Variants in UNKL observed in about 807,000 individuals in gnomAD.
UNKL encodes putative E3 ubiquitin-protein ligase UNKL.
In UNKL, 60 loss-of-function variants were observed where a neutral mutation model predicts 78.0. The observed-to-expected ratio is 0.77, with a 90% confidence interval of 0.63 to 0.95. The LOEUF is 0.95. UNKL is among the 40% of genes least tolerant of loss of function. UNKL has a pLI of 0.00. For synonymous variants in UNKL, 608 were observed against 474.8 expected (o/e 1.28, Z -3.65); for missense variants, 1,159 against 1,045.7 (o/e 1.11, Z -1.49).
intron 8 of UNKL, among the ~76,000 whole-genome samples, chr16:1,391,304 A>G (rs1039965093): frequency 6.6e-6 from 1 of 151,666 alleles, no homozygotes; most frequent in Non-Finnish European, 1.5e-5. Context: ...CTCAGAATTT[A>G]GACGAATGCT....
rs1218071522 is a variant in UNKL at position 1,369,055 on chromosome 16, G to GTTTTTTT, written c.1585+1068_1585+1074dup. Among the ~76,000 whole-genome samples, 9 of 53,722 alleles carry GTTTTTTT rather than the reference G, an allele frequency of 1.7e-4. 1 individual carries two copies. The highest frequency in any genetic ancestry group is 2.3e-4 in the Non-Finnish European group (7 of 30,988). 35.2% of individuals were successfully genotyped at this position (53,722 alleles called of 152,430 possible). A position where few individuals can be genotyped will look rare whatever the true frequency, so the allele number is the denominator to read the frequency against. ...GCCACTATGTTGGCCCAAAGTATTA[G>GTTTTTTT]TTTTTTTTTTTTTTTTTTTTTTTTT... is the stretch of plus-strand genomic sequence containing the variant. On this transcript the variant is annotated intron_variant, in intron 12 of 14. Coordinates refer to ENST00000389221, the MANE Select transcript of UNKL (RefSeq NM_001372107.1).
At chr16:1,368,258 C>T in intron 12 of UNKL, 1 of 232,002 alleles carries the variant, frequency 4.3e-6, no homozygotes, top group South Asian at 8.2e-5. Flanking sequence ...GTGGTGACTG[C>T]CAATGTCTAT....
At chr16:1,411,558 G>A (rs1440178783) in intron 2 of UNKL, among the ~76,000 whole-genome samples, 1 of 151,816 alleles carries the variant, frequency 6.6e-6, no homozygotes, top group African/African-American at 2.4e-5. Flanking sequence ...CGGGCGCGGT[G>A]GCTCATGCCT....
At chr16:1,380,320 G>C (rs1015013557) in intron 10 of UNKL, among the ~76,000 whole-genome samples, 1 of 152,180 alleles carries the variant, frequency 6.6e-6, no homozygotes, top group Non-Finnish European at 1.5e-5. Flanking sequence ...CACCAGCTTT[G>C]TCCAAAACCC....
intron 2 of UNKL, among the ~76,000 whole-genome samples, chr16:1,405,304 C>G (rs3953047): frequency 3.7e-5 from 5 of 133,358 alleles, no homozygotes; most frequent in African/African-American, 2.0e-4. Context: ...AGGCAGGCAG[C>G]CAGCCAGGCA....
At chr16:1,369,853 T>C (rs2035643629) in intron 12 of UNKL, 3 of 1,227,990 alleles carry the variant, frequency 2.4e-6, no homozygotes, top group Middle Eastern at 2.3e-4. Flanking sequence ...CGCCCGCCTG[T>C]AGTCCCAGCT....
At position 1,401,593 on chromosome 16, in the gene UNKL, G is replaced by T. The variant is rs534889660; in HGVS notation, c.573C>A (p.Ile191=). 1.9e-6 allele frequency: 3 copies of T among 1,603,858 alleles called. No individual in the cohort carries two copies. Among genetic ancestry groups the T allele is most frequent in the Admixed American group, 3.4e-5 (2 of 59,132 alleles). The stretch of plus-strand genomic sequence containing the variant: ...CTTGCCACCGGGGGTCCTCGCTCAG[G>T]ATCTTCTCAATCATGGCCTGGCTGG... ...VLASQAMIEK[I]LSEDPRWQDA... Residue 191 remains isoleucine (I), a synonymous_variant, in exon 4 of 15, where the codon ATC becomes ATA. Transcript: ENST00000389221.
chr16:1,395,920 C>A, intron 6 of UNKL: 1 of 375,938 alleles, frequency 2.7e-6, no homozygotes, highest in South Asian at 1.9e-5. Context: ...TCCTTCCCAG[C>A]CCCTGCACGC....
intron 11 of UNKL, 61 bp from the exon 12 acceptor site, chr16:1,370,418 C>A: frequency 6.6e-7 from 1 of 1,515,012 alleles, no homozygotes. Context: ...AAACATCTGC[C>A]ATGGGCGGCA....
rs919659785 is a variant in UNKL, at chr16:1,363,820, G to C, written c.*2420C>G. 3 of 154,480 alleles carry C rather than the reference G, an allele frequency of 1.9e-5. No individual in the cohort carries two copies. Among genetic ancestry groups the C allele is most frequent in the East Asian group, 1.9e-4 (1 of 5,220 alleles). 9.6% of individuals were successfully genotyped at this position (154,480 alleles called of 1,614,324 possible). A position where few individuals can be genotyped will look rare whatever the true frequency, so the allele number is the denominator to read the frequency against. ...TCTTCCCACTGCTCACCTGTCCTCA[G>C]AGCCAGTACTGATCTAGGGGAGCAG... On this transcript the variant is annotated 3_prime_UTR_variant, in exon 15 of 15. Coordinates refer to ENST00000389221, the MANE Select transcript of UNKL (RefSeq NM_001372107.1).
chr16:1,371,518 C>A lies in UNKL; in HGVS notation c.1357+1G>T. 1 of 1,536,136 alleles carries A rather than the reference C, an allele frequency of 6.5e-7. No individual in the cohort carries two copies. The highest frequency in any genetic ancestry group is 8.7e-7 in the Non-Finnish European group (1 of 1,146,874). ...GGGCCCCAGGTCCTCCCCACCCTCA[C>A]CTGCTGCTCCCAGGTCGTGGCCGTC... On this transcript the variant is annotated splice_donor_variant, in intron 11 of 14. Coordinates refer to ENST00000389221, the MANE Select transcript of UNKL (RefSeq NM_001372107.1). LOFTEE classifies it high-confidence loss of function.
At chr16:1,380,879 TG>T (rs2036581248) in intron 10 of UNKL, among the ~76,000 whole-genome samples, 1 of 152,118 alleles carries the variant, frequency 6.6e-6, no homozygotes, top group South Asian at 2.1e-4. Context: ...TTCACCATGT[TG>T]GTCAGGCTAG....
At position 1,385,238 on chromosome 16, in the gene UNKL, G is replaced by C; in HGVS notation, c.1234C>G (p.Pro412Ala). Residue 412 changes from proline to alanine, a missense_variant, in exon 10 of 15, where the codon CCC becomes GCC. Physicochemically the swap from Pro to Ala is conservative, Grantham distance 27 (BLOSUM62 -1). Transcript: ENST00000389221. ...ACGGCCTCCACAGTGCTGCTGGCGG[G>C]GCCGAGCGGGAGGGCACGGGCGGGG... is the stretch of plus-strand genomic sequence containing the variant. The part of the protein sequence containing the change: ...APPARALPLG[P>A]ASSTVEAVLG... 1 of 1,305,492 alleles carries C rather than the reference G, an allele frequency of 7.7e-7. No homozygotes were observed. The highest frequency in any genetic ancestry group is 9.7e-7 in the Non-Finnish European group (1 of 1,029,338). 80.9% of individuals were successfully genotyped at this position (1,305,492 alleles called of 1,614,324 possible).
chr16:1,398,692 C>CCCCCCCCCCCCCCCCCCCCCCCACCT, intron 5 of UNKL: 1 of 1,198,320 alleles, frequency 8.3e-7, no homozygotes, highest in South Asian at 2.1e-5. Flanking sequence ...CCCCCCCACC[C>CCCCCCCCCCCCCCCCCCCCCCCACCT]CCCTCTCAGG....
rs1008986508 is a variant in UNKL at position 1,364,352 on chromosome 16, G to T, written c.*1888C>A. ...AATACATTCTAATTTGGTCACTGAT[G>T]ATAAAGATTTTTACCTAGACGTTTT... On this transcript the variant is annotated 3_prime_UTR_variant, in exon 15 of 15. Coordinates refer to ENST00000389221, the MANE Select transcript of UNKL (RefSeq NM_001372107.1). The T allele has an allele frequency of 6.6e-6, 1 of 152,208 alleles. No homozygotes were observed. The highest frequency in any genetic ancestry group is 2.4e-5 in the African/African-American group (1 of 41,456). The allele number at this position is 152,208 out of a possible 1,614,324, so 9.4% of individuals were successfully genotyped here.
Position 1,367,744 on chromosome 16 carries a change from C to A in UNKL, c.1700G>T (p.Gly567Val). 1 of 1,577,140 alleles carries A rather than the reference C, an allele frequency of 6.3e-7. No homozygotes were observed. The highest frequency in any genetic ancestry group is 1.2e-5 in the South Asian group (1 of 85,644). The change falls in exon 13 of 15, where the codon GGA becomes GTA. Residue 567 changes from glycine to valine, a missense_variant. Gly to Val is a moderately radical substitution (Grantham distance 109). Coordinates refer to ENST00000389221, the MANE Select transcript of UNKL (RefSeq NM_001372107.1). ...PPSSSSASPN[G>V]AELARVRRQL... ...CCGCCTGACCCGGGCCAGCTCAGCT[C>A]CGTTTGGACTTGCACTCGAAGAGGA...
At chr16:1,379,820 G>A in intron 10 of UNKL, 1 of 611,106 alleles carries the variant, frequency 1.6e-6, no homozygotes, top group Non-Finnish European at 2.1e-6. Context: ...CGGTCCCCGC[G>A]GCTCCTGGCT....
rs563176978 is a variant in UNKL, at chr16:1,412,838, G to A, written c.287+1008C>T. Among the ~76,000 whole-genome samples, 82 of 151,300 alleles carry A rather than the reference G, an allele frequency of 5.4e-4. 1 individual carries two copies. Among genetic ancestry groups the A allele is most frequent in the Admixed American group, 3.3e-4 (5 of 15,200 alleles). On this transcript the variant is annotated intron_variant, in intron 2 of 14. Coordinates refer to ENST00000389221, the MANE Select transcript of UNKL (RefSeq NM_001372107.1). ...TTTGGGAGGCCAAGGAGGGAGGATC[G>A]CTGTGCCCAGGAGGTTGAGACCAGA... is the stretch of plus-strand genomic sequence containing the variant.
chr16:1,398,930 C>T, intron 5 of UNKL: 2 of 1,551,918 alleles, frequency 1.3e-6, no homozygotes, highest in Non-Finnish European at 1.7e-6. Flanking sequence ...GACCCGGCGT[C>T]CCAGCTGCCA....
Sources: gnomAD v4.1 joint callset for allele counts (sites outside exome capture counted in the v4.1 genomes callset) on GRCh38, gnomAD v4.1.1 for gene constraint, MANE v1.5 for transcripts, NCBI Gene and HGNC (gene_info 2026-07-23, HGNC 2026-07-21) for gene names.